AXDND1: variants seen among roughly 807,000 people sequenced by gnomAD.
The protein encoded by AXDND1 is axonemal dynein light chain domain containing 1, also known as axonemal dynein light chain domain-containing protein 1.
A neutral mutation model predicts 137.5 loss-of-function variants in AXDND1; 110 were observed. That is an observed-to-expected ratio of 0.80 (90% CI 0.69 to 0.94). The LOEUF (loss-of-function observed/expected upper bound fraction) is 0.94, where lower values mean the gene tolerates loss of function less well. AXDND1 is among the 40% of genes least tolerant of loss of function. The pLI is 0.00. For synonymous variants in AXDND1, 414 were observed against 399.7 expected, an observed-to-expected ratio of 1.04 and a Z score of -0.43; for missense variants, 1,191 against 1,169.8, an observed-to-expected ratio of 1.02 and a Z score of -0.26.
intron 12 of AXDND1, among the ~76,000 whole-genome samples, chr1:179,425,946 C>T (rs1407803902): frequency 2.0e-5 from 3 of 151,812 alleles, no homozygotes; most frequent in Middle Eastern, 6.8e-3. Context: ...AAGCGATTCT[C>T]CTGCCACAGC....
Position 179,418,864 on chromosome 1 carries a change from G to A in AXDND1, c.1230+7598G>A, listed in dbSNP as rs191542977. Among the ~76,000 whole-genome samples the A allele has an allele frequency of 3.7e-3, 563 of 151,978 alleles. 6 individuals carry two copies. The highest frequency in any genetic ancestry group is 0.013 in the African/African-American group (522 of 41,444). On this transcript the variant is annotated intron_variant, in intron 12 of 25. Transcript: ENST00000367618. Reference sequence around the variant, plus strand: ...AGGGACTCCTCACTTCTCAGACGGGGCTGTTGCCAGGCAGAGGGTCTCCTC... The same window carrying A: ...AGGGACTCCTCACTTCTCAGACGGGACTGTTGCCAGGCAGAGGGTCTCCTC...
At chr1:179,382,253 G>A (rs1031797184) in intron 6 of AXDND1, among the ~76,000 whole-genome samples, 1 of 145,630 alleles carries the variant, frequency 6.9e-6, no homozygotes, top group Non-Finnish European at 1.5e-5. Flanking sequence ...TAATTCTTTT[G>A]TATTTTTAGT....
At chr1:179,441,870 T>C (rs1464191619) in intron 15 of AXDND1, among the ~76,000 whole-genome samples, 2 of 152,290 alleles carry the variant, frequency 1.3e-5, no homozygotes, top group Non-Finnish European at 2.9e-5. Context: ...TTAAATTCCA[T>C]ATCAGATATG....
At chr1:179,527,746 C>T (rs572340813) in intron 22 of AXDND1, among the ~76,000 whole-genome samples, 1 of 152,284 alleles carries the variant, frequency 6.6e-6, no homozygotes, top group South Asian at 2.1e-4. Flanking sequence ...CTCTGAGACT[C>T]ACCCTGAATT....
At chr1:179,524,202 T>A (rs1409637430) in intron 21 of AXDND1, among the ~76,000 whole-genome samples, 1 of 152,212 alleles carries the variant, frequency 6.6e-6, no homozygotes, top group African/African-American at 2.4e-5. Context: ...TCTGGGTAGA[T>A]ACCCAGGAGT....
At chr1:179,470,027 C>T (rs755745292) in intron 17 of AXDND1, among the ~76,000 whole-genome samples, 1 of 152,116 alleles carries the variant, frequency 6.6e-6, no homozygotes, top group Non-Finnish European at 1.5e-5. Context: ...GGTCCAATTT[C>T]ATTCTTTTGC....
At chr1:179,445,551 G>C (rs1010252295) in intron 16 of AXDND1, among the ~76,000 whole-genome samples, 3 of 152,052 alleles carry the variant, frequency 2.0e-5, no homozygotes, top group African/African-American at 7.2e-5. Flanking sequence ...TCCTAAGTTT[G>C]CTTTCTGTCT....
At chr1:179,485,993 C>T (rs1350500792) in intron 18 of AXDND1, among the ~76,000 whole-genome samples, 1 of 151,816 alleles carries the variant, frequency 6.6e-6, no homozygotes, top group Non-Finnish European at 1.5e-5. Flanking sequence ...GTGGTGGGCA[C>T]CTGTAATTCC....
chr1:179,503,901 A>G (rs1322616164), intron 20 of AXDND1, among the ~76,000 whole-genome samples: 2 of 152,234 alleles, frequency 1.3e-5, no homozygotes, highest in Non-Finnish European at 1.5e-5. Context: ...GTAAGAGCAT[A>G]GATAACGACT....
At chr1:179,403,429 C>T (rs1308945345) in intron 11 of AXDND1, among the ~76,000 whole-genome samples, 4 of 152,258 alleles carry the variant, frequency 2.6e-5, no homozygotes, top group East Asian at 1.9e-4. Context: ...ACTGACACTT[C>T]GTATAGGTAC....
At chr1:179,503,299 C>T (rs771834660) in intron 20 of AXDND1, among the ~76,000 whole-genome samples, 20 of 152,008 alleles carry the variant, frequency 1.3e-4, no homozygotes, top group South Asian at 2.1e-4. Context: ...AGTTTTTGAA[C>T]AGTTTTATAA....
intron 12 of AXDND1, among the ~76,000 whole-genome samples, chr1:179,414,647 G>A (rs1255916653): frequency 6.6e-6 from 1 of 151,974 alleles, no homozygotes; most frequent in African/African-American, 2.4e-5. Flanking sequence ...GGATGGTCTC[G>A]ATCTCCTGAA....
chr1:179,456,894 G>T (rs1269174002), intron 16 of AXDND1: 13 of 985,526 alleles, frequency 1.3e-5, no homozygotes, highest in African/African-American at 3.2e-5. Context: ...GGTTACAAAG[G>T]CAAAGCCTCT....
chr1:179,505,020 T>A (rs2125626517), intron 20 of AXDND1, among the ~76,000 whole-genome samples: 1 of 152,346 alleles, frequency 6.6e-6, no homozygotes, highest in South Asian at 2.1e-4. Context: ...GTTAGTTCCA[T>A]CTTCATGAAG....
At chr1:179,406,774 A>C (rs1653038700) in intron 11 of AXDND1, among the ~76,000 whole-genome samples, 1 of 152,136 alleles carries the variant, frequency 6.6e-6, no homozygotes, top group Non-Finnish European at 1.5e-5. Context: ...TTTTGGAGGC[A>C]GCATATGTTT....
chr1:179,509,375 A>G lies in AXDND1; in HGVS notation c.2468A>G (p.Tyr823Cys), dbSNP rs746242991. ...IKGRKITLLT[Y>C]EEIERLLEEE... ...GGCAGAAAAATTACATTATTGACAT[A>G]TGAAGAAATAGAGCGGCTACTTGAA... is the stretch of plus-strand genomic sequence containing the variant. The change falls in exon 21 of 26, where the codon TAT becomes TGT. Residue 823 changes from tyrosine to cysteine, a missense_variant. By Grantham distance (194) the Tyr-to-Cys change is radical (BLOSUM62 -2). Coordinates refer to ENST00000367618, the MANE Select transcript of AXDND1 (RefSeq NM_144696.6). The G allele has an allele frequency of 1.9e-6, 3 of 1,610,944 alleles. No individual in the cohort carries two copies. In the East Asian group the frequency reaches 6.7e-5, roughly 36 times the overall value.
intron 11 of AXDND1, among the ~76,000 whole-genome samples, chr1:179,396,392 G>C (rs1651069737): frequency 6.6e-6 from 1 of 152,092 alleles, no homozygotes; most frequent in Non-Finnish European, 1.5e-5. Context: ...GCTCACGCCT[G>C]TAATCTCAGC....
Position 179,393,999 on chromosome 1 carries a change from A to G in AXDND1, c.960A>G (p.Leu320=), listed in dbSNP as rs1486697299. The change falls in exon 10 of 26, where the codon TTA becomes TTG. Residue 320 remains leucine, a synonymous_variant. Transcript: ENST00000367618. ...VTQRVMDQRI[L]EELYNFKHVI... ...AGCGAGTGATGGACCAGCGCATTTT[A>G]GAAGAATTGTATAATTTCAAGCATG... is the stretch of plus-strand genomic sequence containing the variant. 1.2e-6 allele frequency: 2 copies of G among 1,610,924 alleles called. No homozygotes were observed. Among genetic ancestry groups the G allele is most frequent in the Non-Finnish European group, 1.7e-6 (2 of 1,178,960 alleles).
At chr1:179,499,411 C>T (rs148838736) in intron 20 of AXDND1, among the ~76,000 whole-genome samples, 243 of 152,038 alleles carry the variant, frequency 1.6e-3, no homozygotes, top group Non-Finnish European at 2.6e-3. Context: ...ATTTTATTCA[C>T]GTAAAATGCC....
Sources: allele counts gnomAD v4.1 joint callset (sites outside exome capture counted in the v4.1 genomes callset), GRCh38; gene constraint gnomAD v4.1.1; transcripts MANE v1.5; gene names NCBI Gene and HGNC (gene_info 2026-07-23, HGNC 2026-07-21).